LRRC75A: variants seen among roughly 807,000 people sequenced by gnomAD.
The protein encoded by LRRC75A is leucine rich repeat containing 75A, also known as leucine-rich repeat-containing protein 75A.
Under a neutral mutation model 26.0 loss-of-function variants are expected in LRRC75A, and 12 were observed. The ratio of observed to expected loss-of-function variants is 0.46; its 90% CI spans 0.30 to 0.75. LRRC75A has a LOEUF of 0.75. Ranked by LOEUF, LRRC75A falls within the 30% of genes least tolerant of loss-of-function variation. The pLI is 0.08. For synonymous variants in LRRC75A, 223 were observed against 219.3 expected (o/e 1.02, Z -0.15); for missense variants, 410 against 486.6 (o/e 0.84, Z 1.48).
rs779448887 is a variant in LRRC75A, at chr17:16,443,910, T to C, written c.713A>G (p.Asn238Ser). 25 of 1,613,290 alleles carry C rather than the reference T, an allele frequency of 1.5e-5. No individual in the cohort carries two copies. The highest frequency in any genetic ancestry group is 1.9e-5 in the Non-Finnish European group (23 of 1,179,528). ...CACGGCCCGGGTCAACCGGTTGCCA[T>C]TGAGTGCCAGTGTGGTGAGGCGGGG... ...TLPRLTTLALNGNRLTRAVLR... is the reference protein window; with the variant it reads ...TLPRLTTLALSGNRLTRAVLR... The change falls in exon 4 of 4, where the codon AAT becomes AGT. Residue 238 changes from asparagine to serine, a missense_variant. By Grantham distance (46) the Asn-to-Ser change is conservative. Transcript: ENST00000470794.
In LRRC75A at chr17:16,456,273, G is replaced by A. The variant is rs866228795; in HGVS notation, c.375+5985C>T. 3.0e-3 allele frequency among the ~76,000 whole-genome samples: 320 copies of A among 106,652 alleles called. 10 individuals are homozygous for A. The highest frequency in any genetic ancestry group is 0.011 in the African/African-American group (298 of 26,696). 70.0% of individuals were successfully genotyped at this position (106,652 alleles called of 152,430 possible). The stretch of plus-strand genomic sequence containing the variant: ...AGGAAGAGGATCAGGAAGAGGAGGA[G>A]GAGGAAGAGGAGGAGGAAGAGAAGG... On this transcript the variant is annotated intron_variant, in intron 2 of 3. Coordinates refer to ENST00000470794, the MANE Select transcript of LRRC75A (RefSeq NM_001113567.3).
At chr17:16,445,299 G>A (rs1467718597) in intron 3 of LRRC75A, among the ~76,000 whole-genome samples, 1 of 151,018 alleles carries the variant, frequency 6.6e-6, no homozygotes, top group African/African-American at 2.4e-5. Context: ...CCGAGTAGCT[G>A]GGACTACAGG....
intron 2 of LRRC75A, 50 bp from the exon 3 acceptor site, chr17:16,448,010 G>C: frequency 6.8e-7 from 1 of 1,465,688 alleles, no homozygotes; most frequent in Non-Finnish European, 9.3e-7. Flanking sequence ...GGGTGCACCA[G>C]TCTCAGCCCC....
chr17:16,490,644 A>T (rs1419756960), intron 1 of LRRC75A, among the ~76,000 whole-genome samples: 1 of 152,068 alleles, frequency 6.6e-6, no homozygotes, highest in Admixed American at 6.5e-5. Flanking sequence ...CCCAAGAGGG[A>T]TGTGGGTCTG....
At chr17:16,453,796 C>G (rs2093654937) in intron 2 of LRRC75A, among the ~76,000 whole-genome samples, 1 of 152,152 alleles carries the variant, frequency 6.6e-6, no homozygotes, top group East Asian at 1.9e-4. Flanking sequence ...GCCCTCCTGT[C>G]TCTGGCCCTT....
At chr17:16,468,011 G>A (rs929674872) in intron 1 of LRRC75A, among the ~76,000 whole-genome samples, 14 of 152,088 alleles carry the variant, frequency 9.2e-5, no homozygotes, top group African/African-American at 3.4e-4. Context: ...TAACTTCTCT[G>A]GCCAATCCAG....
Position 16,443,404 on chromosome 17 carries a change from C to A in LRRC75A, c.*184G>T. 1 of 566,616 alleles carries A rather than the reference C, an allele frequency of 1.8e-6. No homozygotes were observed. The highest frequency in any genetic ancestry group is 3.1e-6 in the Non-Finnish European group (1 of 324,420). 35.1% of individuals were successfully genotyped at this position (566,616 alleles called of 1,614,324 possible). On this transcript the variant is annotated 3_prime_UTR_variant, in exon 4 of 4. Transcript: ENST00000470794. ...TGGGATAGGGGGCAGATGCAGAGGACCAACGGGAAGTTTTAACACAAATCC... is the reference window on the plus strand; with the variant it reads ...TGGGATAGGGGGCAGATGCAGAGGAACAACGGGAAGTTTTAACACAAATCC...
intron 1 of LRRC75A, among the ~76,000 whole-genome samples, chr17:16,472,916 T>C (rs1476182366): frequency 6.6e-6 from 1 of 152,204 alleles, no homozygotes; most frequent in Non-Finnish European, 1.5e-5. Flanking sequence ...ACACTGGTTA[T>C]GTTAAATTTA....
chr17:16,487,137 T>C lies in LRRC75A; in HGVS notation c.246+4608A>G, dbSNP rs1437792117. ...TGGCAGGAACTAAGAGCCACATGGATCTCTGAGCTTCGGCTGACATGCCCA... is the reference window on the plus strand; with the variant it reads ...TGGCAGGAACTAAGAGCCACATGGACCTCTGAGCTTCGGCTGACATGCCCA... On this transcript the variant is annotated intron_variant, in intron 1 of 3. Transcript: ENST00000470794. 3.9e-5 allele frequency among the ~76,000 whole-genome samples: 6 copies of C among 152,164 alleles called. No homozygotes were observed. The East Asian group carries it at 1.2e-3, about 29-fold the overall frequency.
chr17:16,450,501 C>A (rs908345121), intron 2 of LRRC75A, among the ~76,000 whole-genome samples: 5 of 152,216 alleles, frequency 3.3e-5, no homozygotes, highest in Admixed American at 6.5e-5. Flanking sequence ...GCCACTTGCA[C>A]CTGTATCACA....
intron 2 of LRRC75A, 41 bp from the exon 3 acceptor site, chr17:16,448,001 G>C: frequency 6.7e-7 from 1 of 1,502,848 alleles, no homozygotes. Context: ...TGAGTGGCTG[G>C]GTGCACCAGT....
At chr17:16,486,895 A>T (rs1307744318) in intron 1 of LRRC75A, among the ~76,000 whole-genome samples, 1 of 152,240 alleles carries the variant, frequency 6.6e-6, no homozygotes, top group East Asian at 1.9e-4. Flanking sequence ...GTGCTTTCTG[A>T]GGACACACTG....
At chr17:16,446,217 C>G (rs2093584316) in intron 3 of LRRC75A, among the ~76,000 whole-genome samples, 1 of 152,206 alleles carries the variant, frequency 6.6e-6, no homozygotes, top group South Asian at 2.1e-4. Flanking sequence ...CCCATTTGTT[C>G]TTTTAACAAA....
Position 16,462,312 on chromosome 17 carries a change from G to C in LRRC75A, c.321C>G (p.Pro107=), listed in dbSNP as rs774383399. The change falls in exon 2 of 4, where the codon CCC becomes CCG. Residue 107 remains proline (P), a synonymous_variant. Coordinates refer to ENST00000470794, the MANE Select transcript of LRRC75A (RefSeq NM_001113567.3). The surrounding 1 kb of genome is among the most constrained non-coding windows in gnomAD (Gnocchi z 4.6). ...GGCTGATGATGAGGTCGTGTGTGATGGGGTCCACCAGGTTCCGGAAGCTGG... is the reference window on the plus strand; with the variant it reads ...GGCTGATGATGAGGTCGTGTGTGATCGGGTCCACCAGGTTCCGGAAGCTGG... The part of the protein sequence containing the change: ...RYASFRNLVD[P]ITHDLIISLA... 6.8e-6 allele frequency: 11 copies of C among 1,614,086 alleles called. No individual in the cohort carries two copies. Among genetic ancestry groups the C allele is most frequent in the African/African-American group, 1.3e-5 (1 of 74,930 alleles).
rs1054716165 is a variant in LRRC75A at position 16,465,013 on chromosome 17, A to G, written c.247-2627T>C. On this transcript the variant is annotated intron_variant, in intron 1 of 3. Coordinates refer to ENST00000470794, the MANE Select transcript of LRRC75A (RefSeq NM_001113567.3). ...GGACAGGGAGCTGGAGAAGGAGGGC[A>G]GATGAGGTGGAAACAGAGGGGTGGT... is the stretch of plus-strand genomic sequence containing the variant. 2.1e-4 allele frequency among the ~76,000 whole-genome samples: 32 copies of G among 152,236 alleles called. 1 individual carries two copies. The highest frequency in any genetic ancestry group is 7.0e-4 in the African/African-American group (29 of 41,472).
chr17:16,488,332 T>C (rs56107917), intron 1 of LRRC75A, among the ~76,000 whole-genome samples: 2,316 of 152,310 alleles, frequency 0.015, 64 homozygotes, highest in African/African-American at 0.054. Flanking sequence ...AAATGTGCAG[T>C]GAGTTTTTGA....
chr17:16,487,118 G>A (rs1337715651), intron 1 of LRRC75A, among the ~76,000 whole-genome samples: 2 of 152,202 alleles, frequency 1.3e-5, no homozygotes, highest in East Asian at 1.9e-4. Context: ...AGTGTGGCAG[G>A]AACTAAGAGC....
chr17:16,448,684 A>G (rs2093606515), intron 2 of LRRC75A, among the ~76,000 whole-genome samples: 1 of 152,222 alleles, frequency 6.6e-6, no homozygotes, highest in East Asian at 1.9e-4. Flanking sequence ...AAATGAGGTC[A>G]GAGGAGTAGG....
At position 16,454,937 on chromosome 17, in the gene LRRC75A, T is replaced by C. The variant is rs539070417; in HGVS notation, c.376-6977A>G. ...CTTTTCTTTTCTTTTCTTTTCTTTT[T>C]TTTTTTTAGTGACGGAGTCTTGCTC... On this transcript the variant is annotated intron_variant, in intron 2 of 3. Transcript: ENST00000470794. Among the ~76,000 whole-genome samples, 189 of 150,706 alleles carry C rather than the reference T, an allele frequency of 1.3e-3. 2 individuals are homozygous for C. Among genetic ancestry groups the C allele is most frequent in the Middle Eastern group, 3.4e-3 (1 of 294 alleles).
Sources: gnomAD v4.1 joint callset for allele counts (sites outside exome capture counted in the v4.1 genomes callset) on GRCh38, gnomAD v4.1.1 for gene constraint, Gnocchi (gnomAD v3.1) non-coding constraint, MANE v1.5 for transcripts, NCBI Gene and HGNC (gene_info 2026-07-23, HGNC 2026-07-21) for gene names.